The following CD96 variants were observed in gnomAD, a reference collection of about 807,000 sequenced individuals.
CD96 encodes the protein CD96 molecule, also known as T-cell surface protein tactile.
In CD96, 70 loss-of-function variants were observed where a neutral mutation model predicts 71.3. The ratio of observed to expected loss-of-function variants is 0.98; its 90% CI spans 0.81 to 1.20. CD96 has a LOEUF of 1.20. CD96 is among the 50% of genes most tolerant of loss of function. The probability of loss-of-function intolerance (pLI) is 0.00; values close to 1 mark genes in which losing one functional copy is unlikely to be tolerated. For synonymous variants in CD96, 248 were observed against 233.0 expected (o/e 1.06, Z -0.59); for missense variants, 742 against 677.5 (o/e 1.10, Z -1.06).
chr3:111,565,750 G>A (rs1303538251), intron 2 of CD96, among the ~76,000 whole-genome samples: 1 of 151,572 alleles, frequency 6.6e-6, no homozygotes, highest in Non-Finnish European at 1.5e-5. Context: ...CAGCAGTGGA[G>A]AGCAAGGAAA....
At chr3:111,551,034 A>T (rs1934675299) in intron 2 of CD96, among the ~76,000 whole-genome samples, 1 of 152,192 alleles carries the variant, frequency 6.6e-6, no homozygotes, top group Non-Finnish European at 1.5e-5. Flanking sequence ...GCACTATAGA[A>T]CTTTAGCTTG....
At chr3:111,569,260 G>A (rs1559726145) in intron 3 of CD96, among the ~76,000 whole-genome samples, 1 of 152,130 alleles carries the variant, frequency 6.6e-6, no homozygotes. Context: ...GTATTTTTCA[G>A]ATAGTAAATA....
At chr3:111,576,548 C>G (rs1462482024) in intron 3 of CD96, among the ~76,000 whole-genome samples, 1 of 152,114 alleles carries the variant, frequency 6.6e-6, no homozygotes, top group Non-Finnish European at 1.5e-5. Context: ...CTTATTAGTA[C>G]AAATTGTATC....
intron 5 of CD96, chr3:111,594,670 T>C (rs1220216161): frequency 5.9e-6 from 1 of 168,166 alleles, no homozygotes; most frequent in Non-Finnish European, 1.5e-5. Flanking sequence ...TAATTGCATT[T>C]TGGAGGCAGG....
intron 14 of CD96, among the ~76,000 whole-genome samples, chr3:111,657,624 T>G (rs1458574955): frequency 6.6e-6 from 1 of 152,144 alleles, no homozygotes; most frequent in East Asian, 1.9e-4. Flanking sequence ...TATAAGATTA[T>G]GTAAATGTGT....
intron 2 of CD96, among the ~76,000 whole-genome samples, chr3:111,553,417 T>C (rs895971098): frequency 2.7e-5 from 4 of 146,592 alleles, no homozygotes; most frequent in Non-Finnish European, 6.0e-5. Flanking sequence ...CTTGATAACA[T>C]TTAGGTTTTC....
chr3:111,611,040 C>T (rs952453710), intron 8 of CD96, among the ~76,000 whole-genome samples: 1 of 152,182 alleles, frequency 6.6e-6, no homozygotes, highest in Admixed American at 6.5e-5. Flanking sequence ...ACCCACTTGC[C>T]TTGCCTCCTG....
At chr3:111,560,410 A>G (rs2107523491) in intron 2 of CD96, among the ~76,000 whole-genome samples, 1 of 150,042 alleles carries the variant, frequency 6.7e-6, no homozygotes, top group East Asian at 2.0e-4. Flanking sequence ...CCTGGTGGTG[A>G]CAAAATCTCT....
Position 111,623,895 on chromosome 3 carries a change from A to G in CD96, c.1249+73A>G, listed in dbSNP as rs969338832. On this transcript the variant is annotated intron_variant, in intron 9 of 13. Coordinates refer to ENST00000352690, the MANE Select transcript of CD96 (RefSeq NM_005816.5). ...TCACAAGTTTTACTACTGCTTCTAT[A>G]ATGTTGACGTTTCAGCAAACAGCTG... The G allele has an allele frequency of 1.0e-5, 10 of 970,904 alleles. No individual in the cohort carries two copies. The East Asian group carries it at 2.1e-4, about 21-fold the overall frequency. 60.1% of individuals were successfully genotyped at this position (970,904 alleles called of 1,614,324 possible).
At chr3:111,547,968 A>G (rs1177620304) in intron 2 of CD96, among the ~76,000 whole-genome samples, 1 of 152,190 alleles carries the variant, frequency 6.6e-6, no homozygotes, top group African/African-American at 2.4e-5. Context: ...GAGCTCTGTC[A>G]AGTTCACAAC....
intron 2 of CD96, among the ~76,000 whole-genome samples, chr3:111,561,523 G>GGTCAGA (rs1426248480): frequency 1.4e-5 from 2 of 147,856 alleles, no homozygotes; most frequent in Non-Finnish European, 3.0e-5. Context: ...GGCTGCTCGG[G>GGTCAGA]GGTCAGGGGT....
intron 3 of CD96, among the ~76,000 whole-genome samples, chr3:111,575,239 A>G (rs1198640623): frequency 6.6e-6 from 1 of 152,226 alleles, no homozygotes. Context: ...ACTGGCTATG[A>G]GACCTAAGGG....
intron 8 of CD96, among the ~76,000 whole-genome samples, chr3:111,613,418 A>C (rs1202174633): frequency 6.6e-6 from 1 of 152,132 alleles, no homozygotes; most frequent in Non-Finnish European, 1.5e-5. Context: ...ACATGAGAAA[A>C]ATTTTATGCA....
intron 4 of CD96, among the ~76,000 whole-genome samples, chr3:111,582,335 A>G (rs774602314): frequency 2.6e-5 from 4 of 152,202 alleles, no homozygotes; most frequent in Admixed American, 2.0e-4. Flanking sequence ...ATTTACTTGA[A>G]GCCACTTCTG....
chr3:111,664,050 G>A (rs561159904), intron 14 of CD96, among the ~76,000 whole-genome samples: 22 of 152,208 alleles, frequency 1.4e-4, no homozygotes, highest in Non-Finnish European at 1.8e-4. Flanking sequence ...GCGCCCAGCC[G>A]CTTATACACT....
At chr3:111,590,282 G>A (rs949312046) in intron 5 of CD96, among the ~76,000 whole-genome samples, 1 of 152,202 alleles carries the variant, frequency 6.6e-6, no homozygotes, top group Non-Finnish European at 1.5e-5. Context: ...TCAAGTAAGA[G>A]AATGTATGCA....
intron 7 of CD96, among the ~76,000 whole-genome samples, chr3:111,602,195 G>A (rs1279446547): frequency 1.3e-5 from 2 of 152,140 alleles, no homozygotes; most frequent in African/African-American, 2.4e-5. Flanking sequence ...AGAATCTAAG[G>A]ATGTGAGCTA....
chr3:111,574,245 T>C (rs1936121558), intron 3 of CD96, among the ~76,000 whole-genome samples: 1 of 152,172 alleles, frequency 6.6e-6, no homozygotes, highest in Non-Finnish European at 1.5e-5. Flanking sequence ...TCAAGGAGGT[T>C]GAACATCCCA....
chr3:111,655,660 C>A (rs1940211605), downstream of CD96, among the ~76,000 whole-genome samples: 1 of 151,908 alleles, frequency 6.6e-6, no homozygotes. Flanking sequence ...TAGAAAATTG[C>A]TTAATATAAT....
Sources: gnomAD v4.1 joint callset for allele counts (sites outside exome capture counted in the v4.1 genomes callset) on GRCh38, gnomAD v4.1.1 for gene constraint, MANE v1.5 for transcripts, NCBI Gene and HGNC (gene_info 2026-07-23, HGNC 2026-07-21) for gene names.